GABRA2: variants seen among roughly 807,000 people sequenced by gnomAD.
GABRA2 encodes the protein gamma-aminobutyric acid type A receptor subunit alpha2, also known as gamma-aminobutyric acid receptor subunit alpha-2.
A neutral mutation model predicts 48.7 loss-of-function variants in GABRA2; 16 were observed. The ratio of observed to expected loss-of-function variants is 0.33; its 90% CI spans 0.22 to 0.50. GABRA2 has a LOEUF of 0.50. Ranked by LOEUF, GABRA2 falls within the 20% of genes least tolerant of loss-of-function variation. GABRA2 has a pLI of 0.98. For synonymous variants in GABRA2, 185 were observed against 184.5 expected, an observed-to-expected ratio of 1.00 and a Z score of -0.02; for missense variants, 275 against 535.6, an observed-to-expected ratio of 0.51 and a Z score of 4.80.
chr4:46,285,510 T>C (rs1210736155), intron 8 of GABRA2, among the ~76,000 whole-genome samples: 1 of 152,094 alleles, frequency 6.6e-6, no homozygotes, highest in Non-Finnish European at 1.5e-5. Context: ...CCCTCCGAAA[T>C]ATACAACTAT....
chr4:46,361,187 T>C (rs961706051), intron 3 of GABRA2, among the ~76,000 whole-genome samples: 1 of 152,054 alleles, frequency 6.6e-6, no homozygotes, highest in African/African-American at 2.4e-5. Context: ...ATGGGGAAAA[T>C]GTCTCCTGGG....
chr4:46,379,611 G>A (rs550246100), intron 3 of GABRA2, among the ~76,000 whole-genome samples: 7 of 152,164 alleles, frequency 4.6e-5, no homozygotes, highest in African/African-American at 1.4e-4. Flanking sequence ...CTTCTTATGC[G>A]GAAGGCTTAT....
At chr4:46,330,086 T>G (rs1348033748) in intron 4 of GABRA2, among the ~76,000 whole-genome samples, 1 of 152,088 alleles carries the variant, frequency 6.6e-6, no homozygotes, top group Non-Finnish European at 1.5e-5. Context: ...AAAAGAAAAC[T>G]AAAAAATCAA....
intron 3 of GABRA2, among the ~76,000 whole-genome samples, chr4:46,377,479 T>C (rs1435089004): frequency 2.3e-5 from 3 of 130,088 alleles, no homozygotes; most frequent in Non-Finnish European, 3.4e-5. Context: ...GTCTGAGAAG[T>C]GAGGAGCCCC....
chr4:46,263,471 A>C (rs1717459332), intron 8 of GABRA2, among the ~76,000 whole-genome samples: 1 of 152,076 alleles, frequency 6.6e-6, no homozygotes, highest in Non-Finnish European at 1.5e-5. Context: ...TCCCAGCACC[A>C]TGTGTGAAAA....
intron 3 of GABRA2, among the ~76,000 whole-genome samples, chr4:46,376,989 G>A (rs373086735): frequency 1.3e-5 from 2 of 152,108 alleles, no homozygotes; most frequent in Admixed American, 6.5e-5. Context: ...CACCAGCCTC[G>A]GCATCCTGAG....
At chr4:46,340,884 G>T (rs568947662) in intron 3 of GABRA2, among the ~76,000 whole-genome samples, 44 of 151,846 alleles carry the variant, frequency 2.9e-4, no homozygotes, top group African/African-American at 1.0e-3. Context: ...TATGCTTTAT[G>T]TGTTCTCTAG....
At chr4:46,258,900 T>C (rs980552823) in intron 9 of GABRA2, among the ~76,000 whole-genome samples, 1 of 151,758 alleles carries the variant, frequency 6.6e-6, no homozygotes, top group Non-Finnish European at 1.5e-5. Flanking sequence ...TTATAGTTGG[T>C]CGAGAATTAA....
At chr4:46,279,355 A>G (rs1721079595) in intron 8 of GABRA2, among the ~76,000 whole-genome samples, 1 of 152,178 alleles carries the variant, frequency 6.6e-6, no homozygotes, top group Non-Finnish European at 1.5e-5. Context: ...TTATCTATAT[A>G]TCTGTCTGTA....
chr4:46,349,762 C>A (rs780134724), intron 3 of GABRA2, among the ~76,000 whole-genome samples: 6 of 151,798 alleles, frequency 4.0e-5, no homozygotes, highest in Admixed American at 1.3e-4. Flanking sequence ...GTATCACTTT[C>A]TTCTTAAAAA....
chr4:46,344,557 A>C (rs1733829749), intron 3 of GABRA2, among the ~76,000 whole-genome samples: 1 of 151,942 alleles, frequency 6.6e-6, no homozygotes, highest in South Asian at 2.1e-4. Flanking sequence ...GGCAGAAGAT[A>C]GTTGAACATA....
chr4:46,312,516 C>T lies in GABRA2; in HGVS notation c.456G>A (p.Gly152=). ...CATACCTCATGGTATACAGCAGAGT[C>T]CCATCATCCTGAATTCGAAGCAACT... is the stretch of plus-strand genomic sequence containing the variant. ...PNKLLRIQDD[G]TLLYTMRLTV... Residue 152 remains glycine, a synonymous_variant, in exon 5 of 10, where the codon GGG becomes GGA. Transcript: ENST00000381620. 1 of 1,605,818 alleles carries T rather than the reference C, an allele frequency of 6.2e-7. No individual in the cohort carries two copies. Among genetic ancestry groups the T allele is most frequent in the Non-Finnish European group, 8.5e-7 (1 of 1,174,994 alleles).
chr4:46,265,022 T>TAGAGAGAG (rs143456622), intron 8 of GABRA2, among the ~76,000 whole-genome samples: 1 of 135,520 alleles, frequency 7.4e-6, no homozygotes, highest in Non-Finnish European at 1.6e-5. Flanking sequence ...GAGAGAGAGA[T>TAGAGAGAG]AGAGAGAGAG....
chr4:46,277,678 T>G (rs1720759062), intron 8 of GABRA2, among the ~76,000 whole-genome samples: 1 of 152,218 alleles, frequency 6.6e-6, no homozygotes, highest in East Asian at 1.9e-4. Context: ...CTTTCCTATC[T>G]CTGCATGACC....
intron 3 of GABRA2, among the ~76,000 whole-genome samples, chr4:46,375,445 G>C (rs1715547147): frequency 6.6e-6 from 1 of 151,692 alleles, no homozygotes; most frequent in South Asian, 2.1e-4. Flanking sequence ...TTTACCTGTA[G>C]CTCAAAACAA....
chr4:46,362,889 C>T (rs897957496), intron 3 of GABRA2, among the ~76,000 whole-genome samples: 4 of 152,074 alleles, frequency 2.6e-5, no homozygotes, highest in African/African-American at 9.7e-5. Flanking sequence ...GTGCCAAGTG[C>T]CATAGAGATA....
chr4:46,371,859 T>A (rs1446765340), intron 3 of GABRA2, among the ~76,000 whole-genome samples: 1 of 152,168 alleles, frequency 6.6e-6, no homozygotes. Flanking sequence ...AGTGAGCACT[T>A]AAAGGACCCC....
chr4:46,306,831 T>C (rs1726781429), intron 6 of GABRA2, among the ~76,000 whole-genome samples: 1 of 152,192 alleles, frequency 6.6e-6, no homozygotes, highest in Non-Finnish European at 1.5e-5. Context: ...ACTCTGGTTC[T>C]GAAATTGATC....
intron 8 of GABRA2, among the ~76,000 whole-genome samples, chr4:46,292,779 C>A (rs1474390804): frequency 2.6e-5 from 4 of 152,224 alleles, no homozygotes; most frequent in Admixed American, 2.0e-4. Context: ...TCACTTTAGA[C>A]CTACTCATCC....
Sources: allele counts gnomAD v4.1 joint callset (sites outside exome capture counted in the v4.1 genomes callset), GRCh38; gene constraint gnomAD v4.1.1; transcripts MANE v1.5; gene names NCBI Gene and HGNC (gene_info 2026-07-23, HGNC 2026-07-21).